Variants in TMEM132D observed in about 807,000 individuals in gnomAD.
The protein encoded by TMEM132D is mature OL transmembrane protein.
A neutral mutation model predicts 62.3 loss-of-function variants in TMEM132D; 21 were observed. The ratio of observed to expected loss-of-function variants is 0.34; its 90% CI spans 0.24 to 0.49. TMEM132D has a LOEUF of 0.49. Ranked by LOEUF, TMEM132D falls within the 20% of genes least tolerant of loss-of-function variation. The pLI, the probability that TMEM132D is intolerant of heterozygous loss-of-function variation, is 0.99. For synonymous variants in TMEM132D, 621 were observed against 575.6 expected (o/e 1.08, Z -1.13); for missense variants, 1,346 against 1,402.8 (o/e 0.96, Z 0.65).
At chr12:129,879,672 A>C (rs971173298) in intron 1 of TMEM132D, among the ~76,000 whole-genome samples, 1 of 152,212 alleles carries the variant, frequency 6.6e-6, no homozygotes, top group Admixed American at 6.5e-5. Context: ...AAATGCCAAC[A>C]GAAATGCTAG....
chr12:129,231,380 G>C (rs1194003903), intron 4 of TMEM132D, among the ~76,000 whole-genome samples: 1 of 152,190 alleles, frequency 6.6e-6, no homozygotes, highest in Non-Finnish European at 1.5e-5. Flanking sequence ...GTGGGTCCCT[G>C]TGCATATCTC....
chr12:129,525,213 C>T (rs1300283412), intron 3 of TMEM132D, among the ~76,000 whole-genome samples: 3 of 131,420 alleles, frequency 2.3e-5, no homozygotes, highest in Non-Finnish European at 4.7e-5. Context: ...GTATGAGCCA[C>T]GGTGCCCAGC....
chr12:129,441,073 T>C (rs1872922958), intron 3 of TMEM132D, among the ~76,000 whole-genome samples: 1 of 152,164 alleles, frequency 6.6e-6, no homozygotes. Flanking sequence ...CATCTAGAGT[T>C]CAATAGAGGG....
chr12:129,803,416 G>C (rs1871865063), intron 1 of TMEM132D, among the ~76,000 whole-genome samples: 1 of 152,036 alleles, frequency 6.6e-6, no homozygotes. Flanking sequence ...CATGGAAACT[G>C]AACAACCTGC....
intron 1 of TMEM132D, among the ~76,000 whole-genome samples, chr12:129,738,794 G>C (rs1015940981): frequency 6.6e-6 from 1 of 152,146 alleles, no homozygotes; most frequent in Non-Finnish European, 1.5e-5. Flanking sequence ...AAAGGAGAAG[G>C]GTCAATGCCA....
chr12:129,150,344 A>G (rs755490590), intron 5 of TMEM132D, among the ~76,000 whole-genome samples: 7 of 152,188 alleles, frequency 4.6e-5, no homozygotes, highest in African/African-American at 7.2e-5. Context: ...CCGACGGCCA[A>G]CACTCACTGG....
At chr12:129,464,827 C>T (rs1873827700) in intron 3 of TMEM132D, among the ~76,000 whole-genome samples, 1 of 152,044 alleles carries the variant, frequency 6.6e-6, no homozygotes, top group Non-Finnish European at 1.5e-5. Flanking sequence ...TTCCATTGAT[C>T]TATATCTCTG....
chr12:129,274,562 G>A (rs1278363418), intron 4 of TMEM132D, among the ~76,000 whole-genome samples: 1 of 152,098 alleles, frequency 6.6e-6, no homozygotes, highest in Non-Finnish European at 1.5e-5. Context: ...GCAAGAAGAT[G>A]CTCTGGAATT....
intron 5 of TMEM132D, among the ~76,000 whole-genome samples, chr12:129,119,670 G>A (rs1875998678): frequency 6.6e-6 from 1 of 152,138 alleles, no homozygotes; most frequent in Admixed American, 6.5e-5. Flanking sequence ...GACTACACAG[G>A]GTTAGTGTAG....
chr12:129,291,008 A>G (rs973596580), intron 4 of TMEM132D, among the ~76,000 whole-genome samples: 1 of 152,228 alleles, frequency 6.6e-6, no homozygotes, highest in South Asian at 2.1e-4. Context: ...GGTTTCATGT[A>G]TCCAAAGCAA....
intron 3 of TMEM132D, among the ~76,000 whole-genome samples, chr12:129,395,439 A>G (rs191279641): frequency 2.0e-3 from 308 of 152,252 alleles, no homozygotes; most frequent in African/African-American, 7.1e-3. Flanking sequence ...TTATGGGTAT[A>G]TATTTGGTTA....
At chr12:129,224,714 T>G (rs1485869718) in intron 4 of TMEM132D, among the ~76,000 whole-genome samples, 1 of 152,158 alleles carries the variant, frequency 6.6e-6, no homozygotes, top group Non-Finnish European at 1.5e-5. Flanking sequence ...GAGACCAGAC[T>G]GGCCAACATG....
intron 1 of TMEM132D, among the ~76,000 whole-genome samples, chr12:129,820,836 G>A (rs1872524776): frequency 6.6e-6 from 1 of 152,178 alleles, no homozygotes; most frequent in East Asian, 1.9e-4. Context: ...CCATCCTCCT[G>A]CCTTGGCCTC....
In TMEM132D at chr12:129,530,763, G is replaced by C. The variant is rs541579845; in HGVS notation, c.1115+296C>G. Among the ~76,000 whole-genome samples the C allele has an allele frequency of 1.2e-4, 19 of 152,258 alleles. 1 individual carries two copies. The South Asian group carries it at 3.5e-3, about 28-fold the overall frequency. On this transcript the variant is annotated intron_variant, in intron 3 of 8. Coordinates refer to ENST00000422113, the MANE Select transcript of TMEM132D (RefSeq NM_133448.3). Reference sequence around the variant, plus strand: ...TCAGTTCCTCCAATAACATGGACTAGAAAGAGGTCATGTTGAAGAGGAACA... The same window carrying C: ...TCAGTTCCTCCAATAACATGGACTACAAAGAGGTCATGTTGAAGAGGAACA...
intron 1 of TMEM132D, among the ~76,000 whole-genome samples, chr12:129,871,512 T>C (rs1874241792): frequency 2.0e-5 from 3 of 152,232 alleles, no homozygotes; most frequent in South Asian, 2.1e-4. Flanking sequence ...TGAGTTGTGT[T>C]TTCTGTCACT....
intron 2 of TMEM132D, among the ~76,000 whole-genome samples, chr12:129,543,662 G>A (rs1876654130): frequency 6.6e-6 from 1 of 152,040 alleles, no homozygotes; most frequent in Non-Finnish European, 1.5e-5. Context: ...TGGTGCCATG[G>A]GTGGTCCAAG....
At chr12:129,489,919 T>C (rs1179096267) in intron 3 of TMEM132D, among the ~76,000 whole-genome samples, 1 of 152,220 alleles carries the variant, frequency 6.6e-6, no homozygotes, top group African/African-American at 2.4e-5. Flanking sequence ...CAGTTCACTA[T>C]ACATCTGTCA....
At chr12:129,825,548 G>A (rs951343739) in intron 1 of TMEM132D, among the ~76,000 whole-genome samples, 6 of 152,138 alleles carry the variant, frequency 3.9e-5, no homozygotes, top group African/African-American at 1.4e-4. Context: ...ATGCCCTGGG[G>A]ACACAAGGCC....
rs1875458404 is a variant in TMEM132D at position 129,903,820 on chromosome 12, G to A, written c.-481C>T. 6.8e-6 allele frequency among the ~76,000 whole-genome samples: 1 copy of A among 147,192 alleles called. No individual in the cohort carries two copies. The highest frequency in any genetic ancestry group is 2.1e-4 in the South Asian group (1 of 4,814). On this transcript the variant is annotated 5_prime_UTR_variant, in exon 1 of 9. Transcript: ENST00000422113. This position sits in a 1 kb window ranked among gnomAD's most constrained non-coding sequence, Gnocchi z 6.2. ...GCAGAGGCGGCTCGGAGCCCCCCGG[G>A]CGGGTGGCCGGGCTCGCTGGGCGGC...
Sources: gnomAD v4.1 joint callset for allele counts (sites outside exome capture counted in the v4.1 genomes callset) on GRCh38, gnomAD v4.1.1 for gene constraint, Gnocchi (gnomAD v3.1) non-coding constraint, MANE v1.5 for transcripts, NCBI Gene and HGNC (gene_info 2026-07-23, HGNC 2026-07-21) for gene names.